AHNAK2: variants seen among roughly 807,000 people sequenced by gnomAD.
AHNAK2 encodes protein AHNAK2.
In AHNAK2, 18 loss-of-function variants were observed where a neutral mutation model predicts 30.7. The ratio of observed to expected loss-of-function variants is 0.59; its 90% CI spans 0.41 to 0.87. The LOEUF (loss-of-function observed/expected upper bound fraction) is 0.87, where lower values mean the gene tolerates loss of function less well. Ranked by LOEUF, AHNAK2 falls within the 40% of genes least tolerant of loss-of-function variation. AHNAK2 has a pLI of 0.00. For missense variants in AHNAK2, 8,604 were observed against 7,373.0 expected (o/e 1.17, Z -6.11); for synonymous variants, 3,590 against 3,073.8 (o/e 1.17, Z -5.56).
At position 104,942,689 on chromosome 14, in the gene AHNAK2, G is replaced by C; in HGVS notation, c.12762C>G (p.Thr4254=). The C allele has an allele frequency of 6.2e-7, 1 of 1,613,496 alleles. No homozygotes were observed. The highest frequency in any genetic ancestry group is 2.2e-5 in the East Asian group (1 of 44,820). The change falls in exon 7 of 7, where the codon ACC becomes ACG. Residue 4254 remains threonine, a synonymous_variant. Transcript: ENST00000333244. ...DLKGPKADVM[T]PVVEVSLPSM... Reference sequence around the variant, plus strand: ...TGGGCAGAGACACCTCCACGACGGGGGTCATCACATCCGCCTTGGGGCCTT... The same window carrying C: ...TGGGCAGAGACACCTCCACGACGGGCGTCATCACATCCGCCTTGGGGCCTT...
chr14:104,978,200 G>C lies in AHNAK2; in HGVS notation c.38C>G (p.Pro13Arg). ...DCFHMVLPTW[P>R]GTPGSVSGRQ... ...GGGCGCACCGCTGCCGGGGGTTCCG[G>C]GCCAGGTGGGCAGCACCATGTGGAA... Residue 13 changes from proline to arginine, a missense_variant, in exon 1 of 7, where the codon CCC (proline) becomes CGC (arginine). Coordinates refer to ENST00000333244, the MANE Select transcript of AHNAK2 (RefSeq NM_138420.4). 1 of 1,216,712 alleles carries C rather than the reference G, an allele frequency of 8.2e-7. No homozygotes were observed. The highest frequency in any genetic ancestry group is 1.0e-6 in the Non-Finnish European group (1 of 977,360). The allele number at this position is 1,216,712 out of a possible 1,614,324, so 75.4% of individuals were successfully genotyped here. A position where few individuals can be genotyped will look rare whatever the true frequency, so the allele number is the denominator to read the frequency against.
At position 104,943,425 on chromosome 14, in the gene AHNAK2, C is replaced by A. The variant is rs771577340; in HGVS notation, c.12026G>T (p.Gly4009Val). The A allele has an allele frequency of 6.2e-7, 1 of 1,613,304 alleles. No homozygotes were observed. Among genetic ancestry groups the A allele is most frequent in the East Asian group, 2.2e-5 (1 of 44,812 alleles). ...EADVSLPSMQ[G>V]DLKATDLSVQ... is the part of the protein sequence containing the mutation. The stretch of plus-strand genomic sequence containing the variant: ...GCTGAGGTCAGTGGCCTTGAGGTCC[C>A]CCTGCATGGAAGGGAGGCTCACGTC... Residue 4009 changes from glycine (G) to valine (V), a missense_variant, in exon 7 of 7, where the codon GGG (glycine) becomes GTG (valine). Physicochemically the swap from Gly to Val is moderately radical, Grantham distance 109. Transcript: ENST00000333244.
rs187482818 is a variant in AHNAK2 at position 104,946,301 on chromosome 14, G to A, written c.9150C>T (p.His3050=). 2.7e-5 allele frequency: 44 copies of A among 1,611,814 alleles called. No homozygotes were observed. Among genetic ancestry groups the A allele is most frequent in the East Asian group, 2.0e-4 (9 of 44,690 alleles). The change falls in exon 7 of 7, where the codon CAC becomes CAT. Residue 3050 remains histidine, a synonymous_variant. Coordinates refer to ENST00000333244, the MANE Select transcript of AHNAK2 (RefSeq NM_138420.4). ...CTTTGAGGCCAGCTCCCTCGGGAACGTGGCCCTCTGGGAGCTTCAGGTCCA... is the reference window on the plus strand; with the variant it reads ...CTTTGAGGCCAGCTCCCTCGGGAACATGGCCCTCTGGGAGCTTCAGGTCCA... ...GQVDLKLPEG[H]VPEGAGLKGH...
At chr14:104,971,930 C>T (rs1267534167) in intron 1 of AHNAK2, among the ~76,000 whole-genome samples, 1 of 152,216 alleles carries the variant, frequency 6.6e-6, no homozygotes, top group Non-Finnish European at 1.5e-5. Flanking sequence ...GGGAGGTCAG[C>T]GATGGAACGG....
intron 1 of AHNAK2, among the ~76,000 whole-genome samples, chr14:104,971,900 C>T (rs182813204): frequency 3.7e-4 from 57 of 152,336 alleles, no homozygotes; most frequent in Non-Finnish European, 6.2e-4. Flanking sequence ...TTAGGGGCAG[C>T]GAGGGGTCAG....
Position 104,966,714 on chromosome 14 carries a change from C to G in AHNAK2, c.56-9042G>C, listed in dbSNP as rs1877057614. Among the ~76,000 whole-genome samples the G allele has an allele frequency of 6.6e-6, 1 of 152,166 alleles. No individual in the cohort carries two copies. Among genetic ancestry groups the G allele is most frequent in the Non-Finnish European group, 1.5e-5 (1 of 68,018 alleles). ...TGAGGGACCACCAGCTGGGGCCACC[C>G]CAGCCCCTCTGGAGCTGCCTGGAGC... On this transcript the variant is annotated intron_variant, in intron 1 of 6. Coordinates refer to ENST00000333244, the MANE Select transcript of AHNAK2 (RefSeq NM_138420.4). The surrounding 1 kb of genome is among the most constrained non-coding windows in gnomAD (Gnocchi z 4.3).
Position 104,949,830 on chromosome 14 carries a change from G to T in AHNAK2, c.5621C>A (p.Pro1874Gln), listed in dbSNP as rs200366012. 568 of 1,582,630 alleles carry T rather than the reference G, an allele frequency of 3.6e-4. 50 individuals carry two copies. Among genetic ancestry groups the T allele is most frequent in the African/African-American group, 2.5e-3 (175 of 71,160 alleles). ...GDLKTTDLCI[P>Q]LPSADLVVQA... ...GACCACCAGGTCTGCAGAAGGGAGCGGAATGCAGAGGTCCGTGGTCTTGAG... is the reference window on the plus strand; with the variant it reads ...GACCACCAGGTCTGCAGAAGGGAGCTGAATGCAGAGGTCCGTGGTCTTGAG... The change falls in exon 7 of 7, where the codon CCG becomes CAG. Residue 1874 changes from proline to glutamine, a missense_variant. By Grantham distance (76) the Pro-to-Gln change is moderately conservative. Coordinates refer to ENST00000333244, the MANE Select transcript of AHNAK2 (RefSeq NM_138420.4).
chr14:104,942,216 C>A lies in AHNAK2; in HGVS notation c.13235G>T (p.Gly4412Val), dbSNP rs764108680. The A allele has an allele frequency of 1.6e-5, 26 of 1,613,170 alleles. No individual in the cohort carries two copies. The highest frequency in any genetic ancestry group is 2.2e-5 in the Non-Finnish European group (26 of 1,179,764). ...GGGGGACGTCACCTCCACCTTGGGG[C>A]CTTTCAGGTCCAGCTTGGGGACATT... ...DVNVPKLDLKGPKVEVTSPNL... is the reference protein window; with the variant it reads ...DVNVPKLDLKVPKVEVTSPNL... The change falls in exon 7 of 7, where the codon GGC becomes GTC. Residue 4412 changes from glycine (G) to valine (V), a missense_variant. Gly to Val is a moderately radical substitution (Grantham distance 109). Transcript: ENST00000333244.
rs528287464 is a variant in AHNAK2 at position 104,951,020 on chromosome 14, C to A, written c.4431G>T (p.Glu1477Asp). The A allele has an allele frequency of 2.1e-4, 219 of 1,063,612 alleles. 69 individuals carry two copies. The South Asian group carries it at 2.3e-3, about 11-fold the overall frequency. 65.9% of individuals were successfully genotyped at this position (1,063,612 alleles called of 1,614,324 possible). ...GAKLDGGRLE[E>D]DMSLADKDLT... is the part of the protein sequence containing the mutation. Reference sequence around the variant, plus strand: ...AGTCCTTGTCGGCCAGGGACATGTCCTCCTCCAGCCGTCCACCATCCAGCT... The same window carrying A: ...AGTCCTTGTCGGCCAGGGACATGTCATCCTCCAGCCGTCCACCATCCAGCT... The change falls in exon 7 of 7, where the codon GAG becomes GAT. Residue 1477 changes from glutamate to aspartate, a missense_variant. By Grantham distance (45) the Glu-to-Asp change is conservative. Coordinates refer to ENST00000333244, the MANE Select transcript of AHNAK2 (RefSeq NM_138420.4).
rs201068450 is a variant in AHNAK2 at position 104,948,920 on chromosome 14, A to G, written c.6531T>C (p.Asp2177=). Reference sequence around the variant, plus strand: ...CGGCCTCCACCTTGGGTGGAGACACATCCACCGAGGCCTCGATGGACTTGC... The same window carrying G: ...CGGCCTCCACCTTGGGTGGAGACACGTCCACCGAGGCCTCGATGGACTTGC... ...APGKSIEASV[D]VSPPKVEADM... is the part of the protein sequence containing the mutation. The change falls in exon 7 of 7, where the codon GAT becomes GAC. Residue 2177 remains aspartate, a synonymous_variant. Transcript: ENST00000333244. 1.4e-3 allele frequency: 2,296 copies of G among 1,593,186 alleles called. 56 individuals are homozygous for G. In the East Asian group the frequency reaches 0.017, roughly 12 times the overall value.
In AHNAK2 at chr14:104,952,169, C is replaced by T. The variant is rs899572919; in HGVS notation, c.3282G>A (p.Val1094=). The part of the protein sequence containing the change: ...VEMPSFKMPK[V]ALKGPQVDVK... ...CGTCCACCTGGGGGCCCTTGAGGGC[C>T]ACTTTGGGCATCTTGAAACTGGGCA... is the stretch of plus-strand genomic sequence containing the variant. Residue 1094 remains valine (V), a synonymous_variant, in exon 7 of 7, where the codon GTG becomes GTA. Coordinates refer to ENST00000333244, the MANE Select transcript of AHNAK2 (RefSeq NM_138420.4). 1.9e-6 allele frequency: 3 copies of T among 1,612,454 alleles called. No individual in the cohort carries two copies. Among genetic ancestry groups the T allele is most frequent in the Admixed American group, 1.7e-5 (1 of 59,940 alleles).
At position 104,940,000 on chromosome 14, in the gene AHNAK2, T is replaced by G. The variant is rs1897930276; in HGVS notation, c.15451A>C (p.Ile5151Leu). The G allele has an allele frequency of 3.7e-6, 6 of 1,612,392 alleles. No individual in the cohort carries two copies. Among genetic ancestry groups the G allele is most frequent in the Non-Finnish European group, 5.1e-6 (6 of 1,179,854 alleles). Residue 5151 changes from isoleucine to leucine, a missense_variant, in exon 7 of 7, where the codon ATA (isoleucine) becomes CTA (leucine). Transcript: ENST00000333244. ...VPVSQPCGEG[I>L]APTPEDPLQP... ...AGGGGATCTTCAGGTGTGGGGGCTA[T>G]CCCCTCCCCACAAGGCTGGCTCACT...
rs565955423 is a variant in AHNAK2 at position 104,978,372 on chromosome 14, A to C, written c.-135T>G. ...CGCTGCCGCGGGCGGCCGACCTCGG[A>C]CTGCGGACACCGCGCGCCAGGCTAC... On this transcript the variant is annotated 5_prime_UTR_variant, in exon 1 of 7. Transcript: ENST00000333244. 1.4e-5 allele frequency: 7 copies of C among 505,552 alleles called. No individual in the cohort carries two copies. In the Admixed American group the frequency reaches 1.8e-4, roughly 13 times the overall value. The allele number at this position is 505,552 out of a possible 1,614,324, so 31.3% of individuals were successfully genotyped here. A position where few individuals can be genotyped will look rare whatever the true frequency, so the allele number is the denominator to read the frequency against.
rs138524115 is a variant in AHNAK2 at position 104,955,227 on chromosome 14, G to A, written c.467-86C>T. On this transcript the variant is annotated intron_variant, in intron 5 of 6. Transcript: ENST00000333244. ...TGCCTTGGCTGGCGAGGAGGGTCCCGGGGACATGAATAGGGGGAATCCCAC... is the reference window on the plus strand; with the variant it reads ...TGCCTTGGCTGGCGAGGAGGGTCCCAGGGACATGAATAGGGGGAATCCCAC... The A allele has an allele frequency of 6.4e-5, 94 of 1,459,036 alleles. No individual in the cohort carries two copies. The African/African-American group carries it at 6.6e-4, about 10-fold the overall frequency. The allele number at this position is 1,459,036 out of a possible 1,614,324, so 90.4% of individuals were successfully genotyped here. A position where few individuals can be genotyped will look rare whatever the true frequency, so the allele number is the denominator to read the frequency against.
rs752728846 is a variant in AHNAK2 at position 104,952,748 on chromosome 14, A to C, written c.2703T>G (p.Leu901=). ...EVQAGQVDVK[L]PEGPVPEGAG... ...CTCCCTCGGGCACAGGGCCCTCCGG[A>C]AGTTTCACATCCACTTGGCCAGCCT... Residue 901 remains leucine, a synonymous_variant, in exon 7 of 7, where the codon CTT becomes CTG. Transcript: ENST00000333244. 1 of 1,610,736 alleles carries C rather than the reference A, an allele frequency of 6.2e-7. No homozygotes were observed. The highest frequency in any genetic ancestry group is 1.1e-5 in the South Asian group (1 of 90,922).
chr14:104,946,087 C>T lies in AHNAK2; in HGVS notation c.9364G>A (p.Gly3122Ser), dbSNP rs751482491. ...DVEAPGAKLD[G>S]ARLEGDLSLA... Reference sequence around the variant, plus strand: ...GACAGGTCCCCCTCCAGCCGTGCACCATCCAACTTGGCTCCTGGGGCCTCG... The same window carrying T: ...GACAGGTCCCCCTCCAGCCGTGCACTATCCAACTTGGCTCCTGGGGCCTCG... The change falls in exon 7 of 7, where the codon GGT becomes AGT. Residue 3122 changes from glycine (G) to serine (S), a missense_variant. Transcript: ENST00000333244. 33 of 1,610,432 alleles carry T rather than the reference C, an allele frequency of 2.0e-5. No individual in the cohort carries two copies. The Admixed American group carries it at 3.2e-4, about 16-fold the overall frequency.
At chr14:104,965,904 G>T (rs986476948) in intron 1 of AHNAK2, among the ~76,000 whole-genome samples, 72 of 152,312 alleles carry the variant, frequency 4.7e-4, no homozygotes, top group African/African-American at 1.6e-3. Context: ...CACCCTGCCT[G>T]CCCTGACTGT....
rs202164616 is a variant in AHNAK2, at chr14:104,947,539, C to G, written c.7912G>C (p.Asp2638His). 6.2e-6 allele frequency: 10 copies of G among 1,612,476 alleles called. No homozygotes were observed. Among genetic ancestry groups the G allele is most frequent in the East Asian group, 2.2e-5 (1 of 44,656 alleles). ...ARLEGDLSLA[D>H]KGVTAKDSKF... ...CTATCTTTGGCTGTCACACCCTTGT[C>G]GGCCAGGGACAGGTCCCCCTCCAGC... Residue 2638 changes from aspartate to histidine, a missense_variant, in exon 7 of 7, where the codon GAC becomes CAC. Transcript: ENST00000333244.
chr14:104,969,154 G>A (rs1476546345), intron 1 of AHNAK2, among the ~76,000 whole-genome samples: 1 of 152,194 alleles, frequency 6.6e-6, no homozygotes, highest in Non-Finnish European at 1.5e-5. Context: ...CTGCCTCCAA[G>A]GCTGCAGGAG....
Sources: allele counts gnomAD v4.1 joint callset (sites outside exome capture counted in the v4.1 genomes callset), GRCh38; gene constraint gnomAD v4.1.1; non-coding constraint Gnocchi (gnomAD v3.1); transcripts MANE v1.5; gene names NCBI Gene and HGNC (gene_info 2026-07-23, HGNC 2026-07-21).